AKR1C8: variants seen among roughly 807,000 people sequenced by gnomAD.
The protein encoded by AKR1C8 is aldo-keto reductase family 1 member C-like protein 1.
the AKR1C8 span, chr10:5,132,692 T>A: frequency 4.3e-5 from 69 of 1,586,956 alleles, 1 homozygote; most frequent in Non-Finnish European, 6.0e-5. Context: ...CATTATTGTA[T>A]AAATGAGCAG....
At chr10:5,173,926 A>G in the AKR1C8 span, among the ~76,000 whole-genome samples, 1 of 152,136 alleles carries the variant, frequency 6.6e-6, no homozygotes, top group African/African-American at 2.4e-5. Flanking sequence ...TAATACCTGC[A>G]TAAAAGGCCC....
At chr10:5,156,843 TA>T in the AKR1C8 span, among the ~76,000 whole-genome samples, 2 of 152,220 alleles carry the variant, frequency 1.3e-5, no homozygotes, top group African/African-American at 4.8e-5. Flanking sequence ...TCATCTCTTG[TA>T]AATATTAAAC....
chr10:5,146,076 T>G, the AKR1C8 span, among the ~76,000 whole-genome samples: 1 of 151,836 alleles, frequency 6.6e-6, no homozygotes, highest in African/African-American at 2.4e-5. Flanking sequence ...GAAATCATCA[T>G]TCTCAGTAAA....
chr10:5,165,316 C>T, the AKR1C8 span, among the ~76,000 whole-genome samples: 1 of 152,230 alleles, frequency 6.6e-6, no homozygotes, highest in Non-Finnish European at 1.5e-5. Flanking sequence ...AGCCTCAAAC[C>T]TCTAACTTCT....
At chr10:5,126,899 A>C in the AKR1C8 span, among the ~76,000 whole-genome samples, 1 of 152,276 alleles carries the variant, frequency 6.6e-6, no homozygotes, top group African/African-American at 2.4e-5. Flanking sequence ...TAAACATTAA[A>C]GTCAGTTCCT....
chr10:5,156,684 T>A, the AKR1C8 span, among the ~76,000 whole-genome samples: 15 of 152,198 alleles, frequency 9.9e-5, no homozygotes, highest in Non-Finnish European at 1.9e-4. Context: ...TATTAACATT[T>A]TGAATTGGAT....
At chr10:5,183,211 T>G in the AKR1C8 span, among the ~76,000 whole-genome samples, 1 of 152,100 alleles carries the variant, frequency 6.6e-6, no homozygotes, top group Non-Finnish European at 1.5e-5. Context: ...TAATATAAAA[T>G]TTAGAACAAT....
At chr10:5,162,881 T>C in the AKR1C8 span, 1 of 534,704 alleles carries the variant, frequency 1.9e-6, no homozygotes. Flanking sequence ...TTCCTCTCTC[T>C]TGACGGTACC....
chr10:5,147,594 TC>T, the AKR1C8 span, among the ~76,000 whole-genome samples: 1 of 152,012 alleles, frequency 6.6e-6, no homozygotes, highest in Non-Finnish European at 1.5e-5. Context: ...GAAGCCAGAA[TC>T]CCAGCAAGGC....
At chr10:5,140,717 T>G in the AKR1C8 span, among the ~76,000 whole-genome samples, 1 of 151,884 alleles carries the variant, frequency 6.6e-6, no homozygotes, top group Non-Finnish European at 1.5e-5. Context: ...TAATGGGTGC[T>G]GCAAACCAAC....
At chr10:5,122,832 A>G in the AKR1C8 span, among the ~76,000 whole-genome samples, 3 of 152,162 alleles carry the variant, frequency 2.0e-5, no homozygotes, top group Non-Finnish European at 4.4e-5. Flanking sequence ...ACATAGAAAG[A>G]GACAAGCAAA....
the AKR1C8 span, among the ~76,000 whole-genome samples, chr10:5,133,632 G>A: frequency 1.1e-4 from 17 of 152,256 alleles, no homozygotes; most frequent in Non-Finnish European, 2.2e-4. Flanking sequence ...CCCAGTCTGT[G>A]TACCACACAC....
chr10:5,178,406 G>C, the AKR1C8 span, among the ~76,000 whole-genome samples: 1 of 152,092 alleles, frequency 6.6e-6, no homozygotes, highest in Non-Finnish European at 1.5e-5. Context: ...CCAACCATGT[G>C]GTCAATTTTG....
the AKR1C8 span, among the ~76,000 whole-genome samples, chr10:5,175,997 C>G: frequency 2.6e-5 from 4 of 151,956 alleles, no homozygotes; most frequent in Non-Finnish European, 5.9e-5. Context: ...TCCCATTTGT[C>G]AATTTTGTCT....
chr10:5,139,455 A>G, the AKR1C8 span, among the ~76,000 whole-genome samples: 1 of 152,210 alleles, frequency 6.6e-6, no homozygotes, highest in East Asian at 1.9e-4. Context: ...AAACAGAGAT[A>G]TAGACCAATG....
the AKR1C8 span, among the ~76,000 whole-genome samples, chr10:5,138,307 G>GTATTAA: frequency 6.6e-6 from 1 of 152,000 alleles, no homozygotes. Flanking sequence ...CCTTCCCAGG[G>GTATTAA]TATTAATATT....
the AKR1C8 span, among the ~76,000 whole-genome samples, chr10:5,146,225 G>A: frequency 1.3e-5 from 2 of 150,264 alleles, no homozygotes; most frequent in East Asian, 2.0e-4. Context: ...GGGAGGGATA[G>A]CATTGGGAGA....
At chr10:5,146,948 A>G in the AKR1C8 span, among the ~76,000 whole-genome samples, 1 of 152,180 alleles carries the variant, frequency 6.6e-6, no homozygotes, top group African/African-American at 2.4e-5. Context: ...CTGTCTTAGT[A>G]CATTTGTGTT....
chr10:5,168,067 T>G, the AKR1C8 span, among the ~76,000 whole-genome samples: 2 of 152,084 alleles, frequency 1.3e-5, no homozygotes, highest in Non-Finnish European at 2.9e-5. Flanking sequence ...CATGGCTTTC[T>G]TACCAACTCT....
Sources: gnomAD v4.1 joint callset for allele counts (sites outside exome capture counted in the v4.1 genomes callset) on GRCh38, gnomAD v4.1.1 for gene constraint, MANE v1.5 for transcripts, NCBI Gene and HGNC (gene_info 2026-07-23, HGNC 2026-07-21) for gene names.